USP16: variants seen among roughly 807,000 people sequenced by gnomAD.
USP16 encodes ubiquitin specific peptidase 16, also known as ubiquitin carboxyl-terminal hydrolase 16.
In USP16, 77 loss-of-function variants were observed where a neutral mutation model predicts 95.9. The ratio of observed to expected loss-of-function variants is 0.80; its 90% CI spans 0.67 to 0.97. The LOEUF (loss-of-function observed/expected upper bound fraction) is 0.97, where lower values mean the gene tolerates loss of function less well. Ranked by LOEUF, USP16 falls within the 50% of genes least tolerant of loss-of-function variation. The pLI is 0.00. For missense variants in USP16, 943 were observed against 959.9 expected (o/e 0.98, Z 0.23); for synonymous variants, 303 against 318.2 (o/e 0.95, Z 0.51).
rs370468199 is a variant in USP16 at position 29,039,475 on chromosome 21, C to G, written c.864-6C>G. The stretch of plus-strand genomic sequence containing the variant: ...ATTGCTTTTCTGTCTTTTTGTTTTT[C>G]TCTAGAGCAGTGCGGTTTAAAGGCT... On this transcript the variant is annotated splice_region_variant and splice_polypyrimidine_tract_variant and intron_variant, in intron 8 of 17. Coordinates refer to ENST00000399976, the MANE Select transcript of USP16 (RefSeq NM_006447.3). 1.6e-5 allele frequency: 25 copies of G among 1,611,562 alleles called. 2 individuals are homozygous for G. The Middle Eastern group carries it at 2.0e-3, about 127-fold the overall frequency.
At chr21:29,038,990 T>A (rs1555856443) in intron 7 of USP16, 36 bp from the exon 8 acceptor site, 1 of 1,459,178 alleles carries the variant, frequency 6.9e-7, no homozygotes, top group Non-Finnish European at 9.1e-7. Flanking sequence ...ATTCCAGAAT[T>A]TGACTGAAGA....
intron 3 of USP16, among the ~76,000 whole-genome samples, chr21:29,033,871 C>T (rs963179387): frequency 6.6e-6 from 1 of 152,116 alleles, no homozygotes; most frequent in Admixed American, 6.5e-5. Context: ...GAGGAGGTGG[C>T]TTTTGAGCAA....
In USP16 at chr21:29,050,160, T is replaced by G; in HGVS notation, c.2175T>G (p.Phe725Leu). The G allele has an allele frequency of 6.2e-7, 1 of 1,613,624 alleles. No individual in the cohort carries two copies. Among genetic ancestry groups the G allele is most frequent in the East Asian group, 2.2e-5 (1 of 44,870 alleles). Residue 725 changes from phenylalanine to leucine, a missense_variant, in exon 16 of 18, where the codon TTT (phenylalanine) becomes TTG (leucine). Physicochemically the swap from Phe to Leu is conservative, Grantham distance 22. Coordinates refer to ENST00000399976, the MANE Select transcript of USP16 (RefSeq NM_006447.3). The stretch of plus-strand genomic sequence containing the variant: ...CGGAAATCTTAGATTTGGCTCCTTT[T>G]TGCACCCTTAAATGTAAGGTAAGTC... ...KFPEILDLAP[F>L]CTLKCKNVAE...
chr21:29,035,988 A>C (rs1420604665), intron 4 of USP16, among the ~76,000 whole-genome samples: 1 of 152,246 alleles, frequency 6.6e-6, no homozygotes, highest in African/African-American at 2.4e-5. Flanking sequence ...GTATTTTAAA[A>C]TATATGTAAA....
intron 10 of USP16, 70 bp from the exon 11 acceptor site, chr21:29,041,943 T>C: frequency 7.5e-7 from 1 of 1,329,466 alleles, no homozygotes; most frequent in Non-Finnish European, 1.1e-6. Context: ...AGGTAAGTAG[T>C]TTTAGCTTTT....
chr21:29,048,851 A>G lies in USP16; in HGVS notation c.2102A>G (p.Gln701Arg). Residue 701 changes from glutamine to arginine, a missense_variant, in exon 15 of 18, where the codon CAG becomes CGG. Coordinates refer to ENST00000399976, the MANE Select transcript of USP16 (RefSeq NM_006447.3). ...CTTACTCTTCATTTAAAGAGATTTC[A>G]GCAGGTACTCCTTGTTACCCAAAAT... is the stretch of plus-strand genomic sequence containing the variant. ...PVLTLHLKRF[Q>R]QAGFNLRKVN... The G allele has an allele frequency of 6.2e-7, 1 of 1,612,172 alleles. No individual in the cohort carries two copies. Among genetic ancestry groups the G allele is most frequent in the Non-Finnish European group, 8.5e-7 (1 of 1,179,248 alleles).
intron 13 of USP16, 40 bp from the exon 14 acceptor site, chr21:29,046,627 C>G (rs2085327043): frequency 1.3e-6 from 2 of 1,547,964 alleles, no homozygotes; most frequent in African/African-American, 1.4e-5. Flanking sequence ...CCCGCTCTTT[C>G]TTTTTCTTTA....
At position 29,053,940 on chromosome 21, in the gene USP16, C is replaced by G; in HGVS notation, c.2332C>G (p.His778Asp). The G allele has an allele frequency of 1.2e-6, 2 of 1,614,234 alleles. No homozygotes were observed. Among genetic ancestry groups the G allele is most frequent in the South Asian group, 2.2e-5 (2 of 91,082 alleles). The change falls in exon 17 of 18, where the codon CAC becomes GAC. Residue 778 changes from histidine (H) to aspartate (D), a missense_variant. Transcript: ENST00000399976. Reference sequence around the variant, plus strand: ...TAGTCATCTCTCTAATCTTGTTCTTCACGGTGATATTCCACAAGGTAAGAT... The same window carrying G: ...TAGTCATCTCTCTAATCTTGTTCTTGACGGTGATATTCCACAAGGTAAGAT... The part of the protein sequence containing the change: ...ANSHLSNLVL[H>D]GDIPQDFEME...
chr21:29,036,908 C>T (rs1053550705), intron 5 of USP16, among the ~76,000 whole-genome samples: 1 of 152,204 alleles, frequency 6.6e-6, no homozygotes, highest in Non-Finnish European at 1.5e-5. Context: ...CCACAGAATT[C>T]ATTAAAAAAT....
At chr21:29,033,414 T>C (rs925863091) in intron 3 of USP16, among the ~76,000 whole-genome samples, 1 of 152,258 alleles carries the variant, frequency 6.6e-6, no homozygotes, top group Non-Finnish European at 1.5e-5. Context: ...TACCAATGTA[T>C]ATTTCTTCTC....
rs1313687439 is a variant in USP16, at chr21:29,039,535, C to CT, written c.920dup (p.Leu307PhefsTer15). 6.2e-7 allele frequency: 1 copy of CT among 1,613,222 alleles called. No homozygotes were observed. The highest frequency in any genetic ancestry group is 1.1e-5 in the South Asian group (1 of 91,056). Reference sequence around the variant, plus strand: ...AAGACAGCCAGGAGCTGCTTCGCTACTTATTGGATGGGATGAGAGCAGAAG... The same window carrying CT: ...AAGACAGCCAGGAGCTGCTTCGCTACTTTATTGGATGGGATGAGAGCAGAAG... On this transcript the variant is annotated frameshift_variant, in exon 9 of 18. Coordinates refer to ENST00000399976, the MANE Select transcript of USP16 (RefSeq NM_006447.3). LOFTEE classifies it high-confidence loss of function.
chr21:29,049,934 T>C lies in USP16; in HGVS notation c.2107-158T>C, dbSNP rs79541872. Among the ~76,000 whole-genome samples the C allele has an allele frequency of 2.2e-4, 33 of 152,304 alleles. No individual in the cohort carries two copies. The East Asian group carries it at 4.2e-3, about 20-fold the overall frequency. On this transcript the variant is annotated intron_variant, in intron 15 of 17. Transcript: ENST00000399976. The stretch of plus-strand genomic sequence containing the variant: ...GTGTACTTAGCAAAAGCAAACCAAC[T>C]TGGAATCAGTTAGTGTTCAGGAAGA...
At chr21:29,038,916 G>T in intron 7 of USP16, 110 bp from the exon 8 acceptor site, 1 of 1,114,036 alleles carries the variant, frequency 9.0e-7, no homozygotes. Context: ...ACTTTTAAAT[G>T]GGGCAGTTCT....
Position 29,034,563 on chromosome 21 carries a change from G to A in USP16, c.241-274G>A, listed in dbSNP as rs565294471. 5.9e-5 allele frequency among the ~76,000 whole-genome samples: 9 copies of A among 152,044 alleles called. 1 individual carries two copies. Among genetic ancestry groups the A allele is most frequent in the African/African-American group, 2.2e-4 (9 of 41,486 alleles). ...CCTGACCTCAGGTGATCCCACCCCTGGCCTCAGCCTCCCAAAGTGCTGGGA... is the reference window on the plus strand; with the variant it reads ...CCTGACCTCAGGTGATCCCACCCCTAGCCTCAGCCTCCCAAAGTGCTGGGA... On this transcript the variant is annotated intron_variant, in intron 3 of 17. Transcript: ENST00000399976.
At chr21:29,045,367 C>T (rs575275324) in intron 13 of USP16, among the ~76,000 whole-genome samples, 104 of 152,172 alleles carry the variant, frequency 6.8e-4, no homozygotes, top group African/African-American at 2.4e-3. Flanking sequence ...GATGAAATGC[C>T]TTCTTTTCCT....
chr21:29,041,284 A>G (rs1400524762), intron 10 of USP16, among the ~76,000 whole-genome samples: 7 of 152,206 alleles, frequency 4.6e-5, no homozygotes, highest in Non-Finnish European at 8.8e-5. Flanking sequence ...GGTGCCCTTT[A>G]GAGCCTGGCC....
intron 15 of USP16, 52 bp downstream of exon 15, chr21:29,048,907 A>G (rs1387796914): frequency 1.5e-6 from 2 of 1,366,616 alleles, no homozygotes; most frequent in South Asian, 1.2e-5. Context: ...CTACTTTATT[A>G]CCTATTTTTT....
chr21:29,041,695 C>T (rs2085245240), intron 10 of USP16, among the ~76,000 whole-genome samples: 1 of 152,066 alleles, frequency 6.6e-6, no homozygotes, highest in South Asian at 2.1e-4. Flanking sequence ...TCATTTTATA[C>T]TAATGGAGAG....
chr21:29,042,916 A>G, intron 12 of USP16: 1 of 162,650 alleles, frequency 6.1e-6, no homozygotes, highest in Non-Finnish European at 1.3e-5. Flanking sequence ...AGTAGTAGGA[A>G]AAAAGAAGAG....
Sources: gnomAD v4.1 joint callset for allele counts (sites outside exome capture counted in the v4.1 genomes callset) on GRCh38, gnomAD v4.1.1 for gene constraint, MANE v1.5 for transcripts, NCBI Gene and HGNC (gene_info 2026-07-23, HGNC 2026-07-21) for gene names.